Variants in ERBB3 observed in about 807,000 individuals in gnomAD.
The protein encoded by ERBB3 is receptor tyrosine-protein kinase erbB-3.
ERBB3 carries 96 observed loss-of-function variants against 156.7 expected under a neutral mutation model. The observed-to-expected ratio is 0.61, with a 90% CI of 0.52 to 0.73. The LOEUF (loss-of-function observed/expected upper bound fraction) is 0.73. Among genes scored for constraint, ERBB3 ranks in the 30% least tolerant of loss-of-function variants. The probability of loss-of-function intolerance (pLI) is 0.00; values close to 1 mark genes in which losing one functional copy is unlikely to be tolerated. For missense variants in ERBB3, 1,406 were observed against 1,709.4 expected, an observed-to-expected ratio of 0.82 and a Z score of 3.13; for synonymous variants, 567 against 632.0, an observed-to-expected ratio of 0.90 and a Z score of 1.54.
chr12:56,087,122 G>A lies in ERBB3; in HGVS notation c.548-455G>A, dbSNP rs1240592544. Among the ~76,000 whole-genome samples the A allele has an allele frequency of 2.2e-5, 3 of 139,300 alleles. No homozygotes were observed. In the East Asian group the frequency reaches 6.3e-4, roughly 29 times the overall value. 91.4% of individuals were successfully genotyped at this position (139,300 alleles called of 152,430 possible). A position where few individuals can be genotyped will look rare whatever the true frequency, so the allele number is the denominator to read the frequency against. ...ATTGTACTCTAGCCTGGGCAACAGA[G>A]TGAGACCCTGTCTCAAAAAAAAAAA... On this transcript the variant is annotated intron_variant, in intron 4 of 27. Coordinates refer to ENST00000267101, the MANE Select transcript of ERBB3 (RefSeq NM_001982.4).
rs943339288 is a variant in ERBB3, at chr12:56,103,248, C to T, written c.*1193C>T. On this transcript the variant is annotated 3_prime_UTR_variant, in exon 28 of 28. Transcript: ENST00000267101. ...AAATAACTGGACATCTTTGTGTAAACCATAATCCACATGTGCCGTAAATGA... is the reference window on the plus strand; with the variant it reads ...AAATAACTGGACATCTTTGTGTAAATCATAATCCACATGTGCCGTAAATGA... 1 of 226,770 alleles carries T rather than the reference C, an allele frequency of 4.4e-6. No homozygotes were observed. The highest frequency in any genetic ancestry group is 8.8e-6 in the Non-Finnish European group (1 of 113,742). The allele number at this position is 226,770 out of a possible 1,614,324, so 14.0% of individuals were successfully genotyped here.
rs1345127994 is a variant in ERBB3 at position 56,093,906 on chromosome 12, G to A, written c.1613+10G>A. 1 of 1,614,066 alleles carries A rather than the reference G, an allele frequency of 6.2e-7. No individual in the cohort carries two copies. Among genetic ancestry groups the A allele is most frequent in the Non-Finnish European group, 8.5e-7 (1 of 1,179,988 alleles). On this transcript the variant is annotated intron_variant, in intron 13 of 27. Coordinates refer to ENST00000267101, the MANE Select transcript of ERBB3 (RefSeq NM_001982.4). Reference sequence around the variant, plus strand: ...GCAACTTTCTGAATGGGTACAGTAAGGGGAGCCAGTCAAGGATGGGTGGGG... The same window carrying A: ...GCAACTTTCTGAATGGGTACAGTAAAGGGAGCCAGTCAAGGATGGGTGGGG...
At chr12:56,093,615 A>G in intron 12 of ERBB3, 65 bp downstream of exon 12, 1 of 1,553,138 alleles carries the variant, frequency 6.4e-7, no homozygotes, top group Non-Finnish European at 8.8e-7. Context: ...TGAAAGGACT[A>G]TTCTGCCCTA....
At chr12:56,086,496 G>A (rs199616683) in intron 3 of ERBB3, 35 bp from the exon 4 acceptor site, 80 of 1,613,480 alleles carry the variant, frequency 5.0e-5, no homozygotes, top group South Asian at 1.1e-4. Flanking sequence ...GTTCCGCTGC[G>A]GCCCTTAACC....
In ERBB3 at chr12:56,096,789, C is replaced by G; in HGVS notation, c.2217C>G (p.Val739=). ...AGGGTGAATCAATCAAGATTCCAGT[C>G]TGCATTAAAGTCATTGAGGACAAGA... The part of the protein sequence containing the change: ...IPEGESIKIP[V]CIKVIEDKSG... Residue 739 remains valine (V), a synonymous_variant, in exon 19 of 28, where the codon GTC becomes GTG. Transcript: ENST00000267101. 6.2e-7 allele frequency: 1 copy of G among 1,614,054 alleles called. No individual in the cohort carries two copies. Among genetic ancestry groups the G allele is most frequent in the Non-Finnish European group, 8.5e-7 (1 of 1,179,996 alleles).
rs1468351888 is a variant in ERBB3, at chr12:56,087,751, C to G, written c.614-44C>G. 3.8e-6 allele frequency: 6 copies of G among 1,593,436 alleles called. No individual in the cohort carries two copies. The African/African-American group carries it at 5.4e-5, about 14-fold the overall frequency. On this transcript the variant is annotated intron_variant, in intron 5 of 27. Transcript: ENST00000267101. ...AGGCATGAGCAGTGGCCTCAGAATTCAGTCCTAGGAGCCCTAACAGCCATG... is the reference window on the plus strand; with the variant it reads ...AGGCATGAGCAGTGGCCTCAGAATTGAGTCCTAGGAGCCCTAACAGCCATG...
Position 56,101,775 on chromosome 12 carries a change from C to T in ERBB3, c.3749C>T (p.Pro1250Leu), listed in dbSNP as rs980815988. 6.2e-7 allele frequency: 1 copy of T among 1,613,578 alleles called. No homozygotes were observed. The highest frequency in any genetic ancestry group is 1.7e-5 in the Admixed American group (1 of 59,954). ...SCPLHPVPIMPTAGTTPDEDY... is the reference protein window; with the variant it reads ...SCPLHPVPIMLTAGTTPDEDY... The stretch of plus-strand genomic sequence containing the variant: ...CCACTCCACCCTGTACCCATCATGC[C>T]CACTGCAGGCACAACTCCAGATGAA... Residue 1250 changes from proline (P) to leucine (L), a missense_variant, in exon 28 of 28, where the codon CCC becomes CTC. Pro to Leu is a moderately conservative substitution (Grantham distance 98). Coordinates refer to ENST00000267101, the MANE Select transcript of ERBB3 (RefSeq NM_001982.4).
In ERBB3 at chr12:56,099,927, A is replaced by C; in HGVS notation, c.3027A>C (p.Leu1009=). 1 of 1,614,218 alleles carries C rather than the reference A, an allele frequency of 6.2e-7. No homozygotes were observed. Among genetic ancestry groups the C allele is most frequent in the Non-Finnish European group, 8.5e-7 (1 of 1,180,006 alleles). Residue 1009 remains leucine (L), a synonymous_variant, in exon 25 of 28, where the codon CTA becomes CTC. Coordinates refer to ENST00000267101, the MANE Select transcript of ERBB3 (RefSeq NM_001982.4). The stretch of plus-strand genomic sequence containing the variant: ...AGGAAGTAGAGCTGGAGCCAGAACT[A>C]GACCTAGACCTAGACTTGGAAGCAG... ...KLEEVELEPE[L]DLDLDLEAEE...
rs2136794227 is a variant in ERBB3 at position 56,087,876 on chromosome 12, C to T, written c.695C>T (p.Ala232Val). ...NPNQCCHDEC[A>V]GGCSGPQDTD... ...AACCAGTGCTGCCATGATGAGTGTG[C>T]CGGGGGCTGCTCAGGCCCTCAGGAC... The change falls in exon 6 of 28, where the codon GCC becomes GTC. Residue 232 changes from alanine (A) to valine (V), a missense_variant. Around this residue, in one of 3 missense-constraint regions of ERBB3, gnomAD observed 979 missense variants for 1,219.6 expected, o/e 0.80. Transcript: ENST00000267101. The T allele has an allele frequency of 6.2e-7, 1 of 1,614,174 alleles. No homozygotes were observed. The highest frequency in any genetic ancestry group is 8.5e-7 in the Non-Finnish European group (1 of 1,180,008).
In ERBB3 at chr12:56,101,305, C is replaced by T. The variant is rs2136829312; in HGVS notation, c.3446C>T (p.Pro1149Leu). The T allele has an allele frequency of 6.2e-7, 1 of 1,614,196 alleles. No homozygotes were observed. Among genetic ancestry groups the T allele is most frequent in the Non-Finnish European group, 8.5e-7 (1 of 1,180,032 alleles). ...LLTPVTPLSP[P>L]GLEEEDVNGY... ...ACTCCTGTTACCCCACTCTCCCCAC[C>T]CGGGTTAGAGGAAGAGGATGTCAAC... Residue 1149 changes from proline (P) to leucine (L), a missense_variant, in exon 27 of 28, where the codon CCC (proline) becomes CTC (leucine). This residue lies in a region of ERBB3 where 415 missense variants were observed against 454.1 expected (regional missense o/e 0.91). Coordinates refer to ENST00000267101, the MANE Select transcript of ERBB3 (RefSeq NM_001982.4).
rs1240009619 is a variant in ERBB3, at chr12:56,093,405, C to G, written c.1335C>G (p.Ser445=). The change falls in exon 12 of 28, where the codon TCC becomes TCG. Residue 445 remains serine (S), a synonymous_variant. Transcript: ENST00000267101. The part of the protein sequence containing the change: ...NLNVTSLGFR[S]LKEISAGRIY... ...ATGTCACATCTCTGGGCTTCCGATC[C>G]CTGAAGGAAATTAGTGCTGGGCGTA... 2.5e-6 allele frequency: 4 copies of G among 1,613,890 alleles called. No individual in the cohort carries two copies. The highest frequency in any genetic ancestry group is 2.2e-5 in the South Asian group (2 of 91,074).
In ERBB3 at chr12:56,099,823, C is replaced by G. The variant is rs755195879; in HGVS notation, c.2938-15C>G. ...TGGAACCAGGATTCCCCCTAACAATCACCTATCGATATAGAGAGAGAGTGG... is the reference window on the plus strand; with the variant it reads ...TGGAACCAGGATTCCCCCTAACAATGACCTATCGATATAGAGAGAGAGTGG... On this transcript the variant is annotated splice_polypyrimidine_tract_variant and intron_variant, in intron 24 of 27. Coordinates refer to ENST00000267101, the MANE Select transcript of ERBB3 (RefSeq NM_001982.4). The G allele has an allele frequency of 6.2e-7, 1 of 1,613,760 alleles. No homozygotes were observed. Among genetic ancestry groups the G allele is most frequent in the South Asian group, 1.1e-5 (1 of 90,988 alleles).
chr12:56,097,279 G>A, intron 20 of ERBB3, 49 bp downstream of exon 20: 2 of 1,576,660 alleles, frequency 1.3e-6, no homozygotes, highest in African/African-American at 1.3e-5. Context: ...TTGTCTGGGG[G>A]CCAGCCAGGA....
rs771054853 is a variant in ERBB3, at chr12:56,098,835, G to T, written c.2769G>T (p.Leu923=). 1 of 1,614,116 alleles carries T rather than the reference G, an allele frequency of 6.2e-7. No homozygotes were observed. The highest frequency in any genetic ancestry group is 8.5e-7 in the Non-Finnish European group (1 of 1,179,976). The change falls in exon 23 of 28, where the codon CTG becomes CTT. Residue 923 remains leucine, a synonymous_variant. Transcript: ENST00000267101. Reference sequence around the variant, plus strand: ...TACGATTGGCTGAAGTACCAGACCTGCTAGAGAAGGGGGAGCGGTTGGCAC... The same window carrying T: ...TACGATTGGCTGAAGTACCAGACCTTCTAGAGAAGGGGGAGCGGTTGGCAC... ...AGLRLAEVPD[L]LEKGERLAQP...
intron 15 of ERBB3, 29 bp from the exon 16 acceptor site, chr12:56,095,228 T>A: frequency 6.3e-7 from 1 of 1,578,828 alleles, no homozygotes; most frequent in Non-Finnish European, 8.7e-7. Context: ...GTCCAAGCTC[T>A]CATTTAAGGT....
At chr12:56,100,945 A>G in intron 26 of ERBB3, 116 bp from the exon 27 acceptor site, 1 of 648,578 alleles carries the variant, frequency 1.5e-6, no homozygotes, top group East Asian at 4.3e-5. Flanking sequence ...ACCTCAAAAA[A>G]AAAAAAAAAA....
Position 56,095,821 on chromosome 12 carries a change from T to A in ERBB3, c.2055+15T>A. 1 of 1,614,104 alleles carries A rather than the reference T, an allele frequency of 6.2e-7. No individual in the cohort carries two copies. Among genetic ancestry groups the A allele is most frequent in the South Asian group, 1.1e-5 (1 of 91,086 alleles). On this transcript the variant is annotated intron_variant, in intron 17 of 27. Transcript: ENST00000267101. ...AACGGGGTGAGGTGAGTACTTAGCT[T>A]ACTTTTGTTTTTTCTTTTCTTTTTT... is the stretch of plus-strand genomic sequence containing the variant.
Position 56,097,072 on chromosome 12 carries a change from C to A in ERBB3, c.2302C>A (p.His768Asn). The change falls in exon 20 of 28, where the codon CAT becomes AAT. Residue 768 changes from histidine (H) to asparagine (N), a missense_variant. Coordinates refer to ENST00000267101, the MANE Select transcript of ERBB3 (RefSeq NM_001982.4). ...TATGCTGGCCATTGGCAGCCTGGAC[C>A]ATGCCCACATTGTAAGGCTGCTGGG... is the stretch of plus-strand genomic sequence containing the variant. ...DHMLAIGSLDHAHIVRLLGLC... is the reference protein window; with the variant it reads ...DHMLAIGSLDNAHIVRLLGLC... The A allele has an allele frequency of 6.2e-7, 1 of 1,614,118 alleles. No individual in the cohort carries two copies.
chr12:56,089,839 C>G (rs779631785), intron 9 of ERBB3, among the ~76,000 whole-genome samples: 3 of 151,296 alleles, frequency 2.0e-5, no homozygotes, highest in Non-Finnish European at 4.4e-5. Flanking sequence ...AACAAAGGGA[C>G]TTTCTAGTCT....
Sources: allele counts gnomAD v4.1 joint callset (sites outside exome capture counted in the v4.1 genomes callset), GRCh38; gene constraint gnomAD v4.1.1; regional missense constraint gnomAD v4.1.1; transcripts MANE v1.5; gene names NCBI Gene and HGNC (gene_info 2026-07-23, HGNC 2026-07-21).